Variants in SPIDR observed in about 807,000 individuals in gnomAD.
SPIDR encodes DNA repair-scaffolding protein.
In SPIDR, 93 loss-of-function variants were observed where a neutral mutation model predicts 104.6. The ratio of observed to expected loss-of-function variants is 0.89; its 90% CI spans 0.75 to 1.06. The LOEUF (loss-of-function observed/expected upper bound fraction) is 1.06. Among genes scored for constraint, SPIDR ranks in the 50% least tolerant of loss-of-function variants. The probability of loss-of-function intolerance (pLI) is 0.00; values close to 1 mark genes in which losing one functional copy is unlikely to be tolerated. For missense variants in SPIDR, 1,154 were observed against 1,111.2 expected (o/e 1.04, Z -0.55); for synonymous variants, 431 against 416.9 (o/e 1.03, Z -0.41).
intron 5 of SPIDR, among the ~76,000 whole-genome samples, chr8:47,376,689 A>G (rs2058696534): frequency 6.6e-6 from 1 of 152,226 alleles, no homozygotes; most frequent in Admixed American, 6.5e-5. Flanking sequence ...AATTTTCAAA[A>G]TCACTATACT....
At chr8:47,391,292 C>T (rs1320709944) in intron 5 of SPIDR, among the ~76,000 whole-genome samples, 1 of 152,086 alleles carries the variant, frequency 6.6e-6, no homozygotes, top group African/African-American at 2.4e-5. Flanking sequence ...AATCCCAGCA[C>T]TTTGGGAGGC....
At chr8:47,525,709 G>T (rs531318300) in intron 8 of SPIDR, among the ~76,000 whole-genome samples, 117 of 151,388 alleles carry the variant, frequency 7.7e-4, no homozygotes, top group Non-Finnish European at 1.3e-3. Flanking sequence ...GCTCAGGCAG[G>T]AGAATCGCTT....
chr8:47,591,380 C>T (rs746603825), intron 8 of SPIDR, among the ~76,000 whole-genome samples: 18 of 151,606 alleles, frequency 1.2e-4, no homozygotes, highest in East Asian at 7.7e-4. Context: ...TACCAGTTTC[C>T]GTGAAGTATA....
intron 5 of SPIDR, chr8:47,330,768 G>T (rs1438134526): frequency 2.2e-6 from 1 of 455,968 alleles, no homozygotes; most frequent in Non-Finnish European, 4.4e-6. Flanking sequence ...GAGACATCTG[G>T]GTTGCTTCTA....
intron 5 of SPIDR, among the ~76,000 whole-genome samples, chr8:47,308,509 C>T (rs1347241119): frequency 6.6e-6 from 1 of 151,816 alleles, no homozygotes; most frequent in African/African-American, 2.4e-5. Context: ...CAGGAATGTG[C>T]AGGAAGTTTC....
At chr8:47,356,718 T>C (rs1318752098) in intron 5 of SPIDR, among the ~76,000 whole-genome samples, 1 of 143,608 alleles carries the variant, frequency 7.0e-6, no homozygotes, top group Non-Finnish European at 1.6e-5. Context: ...GACAGCACAT[T>C]TGCAGTGGGT....
chr8:47,646,157 A>G (rs1276820265), intron 10 of SPIDR, among the ~76,000 whole-genome samples: 1 of 152,246 alleles, frequency 6.6e-6, no homozygotes, highest in Non-Finnish European at 1.5e-5. Flanking sequence ...TACACAGTTC[A>G]TAAAAGGAAA....
At chr8:47,434,404 A>G (rs2067904014) in intron 7 of SPIDR, among the ~76,000 whole-genome samples, 1 of 152,152 alleles carries the variant, frequency 6.6e-6, no homozygotes, top group Non-Finnish European at 1.5e-5. Flanking sequence ...AAAAGTACCA[A>G]TTTCAGGGAA....
chr8:47,300,506 C>T (rs2041871783), intron 5 of SPIDR, among the ~76,000 whole-genome samples: 1 of 152,114 alleles, frequency 6.6e-6, no homozygotes, highest in Non-Finnish European at 1.5e-5. Context: ...AATGTGTTTG[C>T]TCTTGCTTCT....
chr8:47,370,268 A>C (rs761581260), intron 5 of SPIDR, among the ~76,000 whole-genome samples: 29 of 152,078 alleles, frequency 1.9e-4, no homozygotes, highest in Non-Finnish European at 4.0e-4. Context: ...TTCTGTATCA[A>C]CTGCATAGGA....
At position 47,725,537 on chromosome 8, in the gene SPIDR, G is replaced by A. The variant is rs544551159; in HGVS notation, c.2342-1663G>A. Among the ~76,000 whole-genome samples the A allele has an allele frequency of 6.8e-4, 104 of 152,192 alleles. 1 individual carries two copies. Among genetic ancestry groups the A allele is most frequent in the African/African-American group, 2.0e-3 (84 of 41,520 alleles). On this transcript the variant is annotated intron_variant, in intron 16 of 19. Transcript: ENST00000297423. The stretch of plus-strand genomic sequence containing the variant: ...CTCCCGAGGAGCTGGGACTACAGGC[G>A]CGTGCCACCACGCCTGGCTAATTTT...
intron 5 of SPIDR, among the ~76,000 whole-genome samples, chr8:47,323,272 CT>C (rs1257354598): frequency 2.6e-5 from 4 of 152,042 alleles, no homozygotes; most frequent in Admixed American, 6.5e-5. Flanking sequence ...TGTGAAAAAT[CT>C]TCTCAGGGAA....
intron 5 of SPIDR, among the ~76,000 whole-genome samples, chr8:47,312,486 T>C (rs1203245171): frequency 2.6e-5 from 4 of 152,210 alleles, no homozygotes; most frequent in African/African-American, 9.7e-5. Context: ...GTGAGCATTT[T>C]TTCATGTGTT....
chr8:47,719,335 T>C (rs544473985), intron 16 of SPIDR, among the ~76,000 whole-genome samples: 2 of 152,030 alleles, frequency 1.3e-5, no homozygotes, highest in Admixed American at 1.3e-4. Flanking sequence ...AGTGAAACCC[T>C]GTCTCTACTA....
chr8:47,293,826 T>C, intron 4 of SPIDR, 41 bp from the exon 5 acceptor site: 1 of 1,550,168 alleles, frequency 6.5e-7, no homozygotes, highest in South Asian at 1.2e-5. Context: ...AAGTGAAAGA[T>C]TAAGGAGATA....
intron 5 of SPIDR, among the ~76,000 whole-genome samples, chr8:47,314,222 T>C (rs2044806954): frequency 1.3e-5 from 2 of 152,074 alleles, no homozygotes; most frequent in Non-Finnish European, 2.9e-5. Context: ...AGATATACAT[T>C]ATAATTCCTA....
intron 6 of SPIDR, among the ~76,000 whole-genome samples, chr8:47,401,960 A>T (rs1415140545): frequency 2.0e-5 from 3 of 152,336 alleles, no homozygotes; most frequent in Admixed American, 2.0e-4. Context: ...CCAGGAATTG[A>T]ACTCAGCTCT....
intron 5 of SPIDR, among the ~76,000 whole-genome samples, chr8:47,294,610 C>T (rs1480935177): frequency 1.3e-5 from 2 of 152,076 alleles, no homozygotes; most frequent in African/African-American, 4.8e-5. Flanking sequence ...TCGTTTATTA[C>T]ACTGAAAGGA....
chr8:47,732,428 C>G, intron 19 of SPIDR: 1 of 542,452 alleles, frequency 1.8e-6, no homozygotes, highest in Non-Finnish European at 3.3e-6. Context: ...TATGTGTGTG[C>G]ATTGGGTGAG....
Sources: gnomAD v4.1 joint callset for allele counts (sites outside exome capture counted in the v4.1 genomes callset) on GRCh38, gnomAD v4.1.1 for gene constraint, MANE v1.5 for transcripts, NCBI Gene and HGNC (gene_info 2026-07-23, HGNC 2026-07-21) for gene names.